LRRTM3: variants seen among roughly 807,000 people sequenced by gnomAD.
LRRTM3 encodes the protein leucine-rich repeat transmembrane neuronal protein 3.
LRRTM3 carries 24 observed loss-of-function variants against 44.7 expected under a neutral mutation model. The ratio of observed to expected loss-of-function variants is 0.54; its 90% CI spans 0.39 to 0.76. The LOEUF is 0.76. Among genes scored for constraint, LRRTM3 ranks in the 30% least tolerant of loss-of-function variants. LRRTM3 has a pLI of 0.00. For synonymous variants in LRRTM3, 277 were observed against 278.7 expected (o/e 0.99, Z 0.06); for missense variants, 587 against 702.2 (o/e 0.84, Z 1.85).
Position 66,926,383 on chromosome 10 carries a change from G to A in LRRTM3, c.-201G>A. 1.5e-6 allele frequency: 1 copy of A among 666,690 alleles called. No individual in the cohort carries two copies. The highest frequency in any genetic ancestry group is 2.4e-5 in the Admixed American group (1 of 41,246). The allele number at this position is 666,690 out of a possible 1,614,324, so 41.3% of individuals were successfully genotyped here. On this transcript the variant is annotated 5_prime_UTR_variant, in exon 1 of 3. Transcript: ENST00000361320. Reference sequence around the variant, plus strand: ...TGTTTTGCTGCGAATGCGGTGTTGGGATTTATTTGTTCTTGGAGTGTTCTG... The same window carrying A: ...TGTTTTGCTGCGAATGCGGTGTTGGAATTTATTTGTTCTTGGAGTGTTCTG...
intron 2 of LRRTM3, among the ~76,000 whole-genome samples, chr10:67,090,972 G>A (rs997361975): frequency 6.6e-6 from 1 of 151,996 alleles, no homozygotes; most frequent in Non-Finnish European, 1.5e-5. Context: ...ATAGTGATTA[G>A]TGACAAAATT....
chr10:67,062,553 C>G (rs562960343), intron 2 of LRRTM3, among the ~76,000 whole-genome samples: 1 of 151,508 alleles, frequency 6.6e-6, no homozygotes, highest in East Asian at 2.0e-4. Flanking sequence ...AGATATGGGG[C>G]ATTAAGGCAG....
chr10:67,013,885 T>C (rs568276230), intron 2 of LRRTM3, among the ~76,000 whole-genome samples: 4 of 152,206 alleles, frequency 2.6e-5, no homozygotes, highest in African/African-American at 4.8e-5. Context: ...ATCTCTGATA[T>C]CTAGCCTTCC....
chr10:67,067,111 G>A (rs1445285723), intron 2 of LRRTM3, among the ~76,000 whole-genome samples: 2 of 152,098 alleles, frequency 1.3e-5, no homozygotes, highest in African/African-American at 2.4e-5. Context: ...TTCCCAGAAA[G>A]TCATTATGTA....
In LRRTM3 at chr10:67,098,867, TG is replaced by T. The variant is rs1378781870; in HGVS notation, c.*1073del. ...ACCATCAGTCAGTGCAAAATGTGCC[TG>T]GTTCTTAAGACAACTTTTTATTTAG... On this transcript the variant is annotated 3_prime_UTR_variant, in exon 3 of 3. Coordinates refer to ENST00000361320, the MANE Select transcript of LRRTM3 (RefSeq NM_178011.5). 1.3e-5 allele frequency: 2 copies of T among 151,922 alleles called. No homozygotes were observed. The highest frequency in any genetic ancestry group is 2.9e-5 in the Non-Finnish European group (2 of 67,874). The allele number at this position is 151,922 out of a possible 1,614,324, so 9.4% of individuals were successfully genotyped here.
chr10:67,012,463 T>G, intron 2 of LRRTM3: 1 of 152,326 alleles, frequency 6.6e-6, no homozygotes, highest in Middle Eastern at 3.4e-3. Flanking sequence ...GAGGAAATTA[T>G]AAATATTTGC....
intron 2 of LRRTM3, among the ~76,000 whole-genome samples, chr10:66,938,296 C>G (rs987375222): frequency 5.3e-5 from 8 of 152,050 alleles, no homozygotes; most frequent in African/African-American, 1.9e-4. Flanking sequence ...CCCTCCCATA[C>G]AGTCAAAAAT....
intron 2 of LRRTM3, among the ~76,000 whole-genome samples, chr10:67,071,895 T>C (rs1251637574): frequency 1.3e-5 from 2 of 152,214 alleles, no homozygotes; most frequent in Non-Finnish European, 2.9e-5. Flanking sequence ...ACTCTTAATT[T>C]CAGATAGAGG....
intron 2 of LRRTM3, among the ~76,000 whole-genome samples, chr10:67,014,202 C>T (rs1371198385): frequency 6.6e-6 from 1 of 152,148 alleles, no homozygotes; most frequent in Non-Finnish European, 1.5e-5. Flanking sequence ...TTTAGTGCTT[C>T]ACAGGTGTAC....
intron 2 of LRRTM3, among the ~76,000 whole-genome samples, chr10:67,019,272 G>T (rs1852843876): frequency 6.6e-6 from 1 of 152,188 alleles, no homozygotes; most frequent in Admixed American, 6.5e-5. Context: ...AGGCTGGAGT[G>T]TAATGGCGTT....
At chr10:67,002,797 A>G (rs1851760350) in intron 2 of LRRTM3, among the ~76,000 whole-genome samples, 3 of 152,186 alleles carry the variant, frequency 2.0e-5, no homozygotes, top group Admixed American at 6.6e-5. Context: ...AATAAACACA[A>G]TTAGGTTTTA....
intron 2 of LRRTM3, among the ~76,000 whole-genome samples, chr10:66,970,607 G>T (rs763534032): frequency 3.9e-5 from 6 of 151,994 alleles, no homozygotes; most frequent in Non-Finnish European, 5.9e-5. Context: ...GGAAGGTATA[G>T]AAATTTAGAG....
intron 2 of LRRTM3, among the ~76,000 whole-genome samples, chr10:66,971,541 T>C (rs1422466186): frequency 2.0e-5 from 3 of 152,206 alleles, no homozygotes; most frequent in Admixed American, 6.5e-5. Flanking sequence ...GTTTTCATCT[T>C]CTTTAAGCCT....
intron 2 of LRRTM3, among the ~76,000 whole-genome samples, chr10:66,982,697 G>A (rs1850509720): frequency 6.6e-6 from 1 of 152,156 alleles, no homozygotes. Context: ...AAGGTCAGAT[G>A]GCAAAAGATA....
At chr10:67,047,365 A>T (rs1854818752) in intron 2 of LRRTM3, among the ~76,000 whole-genome samples, 1 of 152,176 alleles carries the variant, frequency 6.6e-6, no homozygotes, top group African/African-American at 2.4e-5. Flanking sequence ...TCTGTTAAAT[A>T]ATGTTAACTC....
intron 2 of LRRTM3, among the ~76,000 whole-genome samples, chr10:66,992,896 T>C (rs1851118106): frequency 1.3e-5 from 2 of 152,212 alleles, no homozygotes; most frequent in South Asian, 2.1e-4. Flanking sequence ...CCTCTTCAAT[T>C]TGACCATTTT....
chr10:66,988,038 G>A (rs966301505), intron 2 of LRRTM3, among the ~76,000 whole-genome samples: 35 of 152,072 alleles, frequency 2.3e-4, no homozygotes, highest in African/African-American at 7.5e-4. Context: ...ATATAATTTA[G>A]TCTTTTTGTC....
chr10:66,984,987 T>A (rs1850647144), intron 2 of LRRTM3, among the ~76,000 whole-genome samples: 1 of 152,168 alleles, frequency 6.6e-6, no homozygotes, highest in South Asian at 2.1e-4. Flanking sequence ...TCTCTCTTCT[T>A]CACTACTGTT....
rs538588502 is a variant in LRRTM3 at position 67,038,535 on chromosome 10, G to A, written c.1537-59052G>A. On this transcript the variant is annotated intron_variant, in intron 2 of 2. Transcript: ENST00000361320. Reference sequence around the variant, plus strand: ...AGGTTGATATATATTCTGATATCATGGAAATTTCAATGGATTATAAAATCA... The same window carrying A: ...AGGTTGATATATATTCTGATATCATAGAAATTTCAATGGATTATAAAATCA... Among the ~76,000 whole-genome samples the A allele has an allele frequency of 3.3e-5, 5 of 152,144 alleles. No individual in the cohort carries two copies. In the East Asian group the frequency reaches 9.6e-4, roughly 29 times the overall value.
Sources: allele counts gnomAD v4.1 joint callset (sites outside exome capture counted in the v4.1 genomes callset), GRCh38; gene constraint gnomAD v4.1.1; transcripts MANE v1.5; gene names NCBI Gene and HGNC (gene_info 2026-07-23, HGNC 2026-07-21).